The following PCDHGA8 variants were observed in gnomAD, a reference collection of about 807,000 sequenced individuals.
PCDHGA8 encodes the protein protocadherin gamma subfamily A, 8, also known as protocadherin gamma-A8.
PCDHGA8 carries 45 observed loss-of-function variants against 59.2 expected under a neutral mutation model. The observed-to-expected ratio is 0.76, with a 90% CI of 0.60 to 0.98. The LOEUF (loss-of-function observed/expected upper bound fraction) is 0.98, where lower values mean the gene tolerates loss of function less well. PCDHGA8 is among the 50% of genes least tolerant of loss of function. The pLI, the probability that PCDHGA8 is intolerant of heterozygous loss-of-function variation, is 0.00. For missense variants in PCDHGA8, 1,257 were observed against 1,196.2 expected (o/e 1.05, Z -0.75); for synonymous variants, 531 against 519.0 (o/e 1.02, Z -0.32).
Position 141,498,864 on chromosome 5 carries a change from C to T in PCDHGA8, c.2483+3999C>T, listed in dbSNP as rs1370263013. Among the ~76,000 whole-genome samples the T allele has an allele frequency of 2.7e-5, 4 of 149,532 alleles. No homozygotes were observed. The East Asian group carries it at 5.9e-4, about 22-fold the overall frequency. ...AGGGGAATCGCTTGAACCCAGGAGG[C>T]GGAGGTTGCAGTGAGCTGAGATCAC... On this transcript the variant is annotated intron_variant, in intron 2 of 3. Coordinates refer to ENST00000398604, the MANE Select transcript of PCDHGA8 (RefSeq NM_032088.2).
chr5:141,409,648 G>A, intron 1 of PCDHGA8: 2 of 1,613,692 alleles, frequency 1.2e-6, no homozygotes, highest in East Asian at 4.5e-5. Context: ...CGGATTTGGG[G>A]CTCAATGGCC....
intron 1 of PCDHGA8, chr5:141,419,629 G>T: frequency 6.2e-7 from 1 of 1,612,444 alleles, no homozygotes; most frequent in Non-Finnish European, 8.5e-7. Context: ...TGGTGACCAA[G>T]GTGGTGGCCG....
At chr5:141,478,665 A>G (rs749063178) in intron 1 of PCDHGA8, 88 of 1,551,690 alleles carry the variant, frequency 5.7e-5, no homozygotes, top group Non-Finnish European at 3.7e-5. Flanking sequence ...ATGCATTCAC[A>G]CTTTCAACTG....
At chr5:141,450,587 A>G (rs1396203849) in intron 1 of PCDHGA8, among the ~76,000 whole-genome samples, 1 of 151,720 alleles carries the variant, frequency 6.6e-6, no homozygotes, top group East Asian at 1.9e-4. Flanking sequence ...CCCAGGTTCA[A>G]GCAATTCTCC....
intron 1 of PCDHGA8, chr5:141,403,602 G>A (rs761454619): frequency 5.0e-6 from 8 of 1,613,800 alleles, no homozygotes; most frequent in Non-Finnish European, 5.9e-6. Context: ...GCCTCGGATG[G>A]CGGCGAGCCG....
In PCDHGA8 at chr5:141,392,678, G is replaced by A; in HGVS notation, c.-136G>A. On this transcript the variant is annotated 5_prime_UTR_variant, in exon 1 of 4. Coordinates refer to ENST00000398604, the MANE Select transcript of PCDHGA8 (RefSeq NM_032088.2). The stretch of plus-strand genomic sequence containing the variant: ...GATGCCACAAACTAACTGCTGGACT[G>A]CAGCGAAACCCGACCCCTGTTTGGA... 1 of 941,110 alleles carries A rather than the reference G, an allele frequency of 1.1e-6. No individual in the cohort carries two copies. The highest frequency in any genetic ancestry group is 1.5e-6 in the Non-Finnish European group (1 of 656,152). The allele number at this position is 941,110 out of a possible 1,614,324, so 58.3% of individuals were successfully genotyped here.
intron 1 of PCDHGA8, chr5:141,414,301 C>A (rs199806270): frequency 1.1e-5 from 18 of 1,613,280 alleles, no homozygotes; most frequent in Non-Finnish European, 1.7e-6. Flanking sequence ...TTTAAATGTG[C>A]ATGATTTAGA....
At chr5:141,403,873 A>G in intron 1 of PCDHGA8, 1 of 1,613,840 alleles carries the variant, frequency 6.2e-7, no homozygotes, top group Non-Finnish European at 8.5e-7. Flanking sequence ...CAAAAAGTCT[A>G]GATTATGAAG....
chr5:141,491,450 C>G lies in PCDHGA8; in HGVS notation c.2425-3357C>G. ...CAGTGCTGCAGGCGCCAGGACTCAC[C>G]CTCCCCGGACTTCTATAAGCAGTCC... On this transcript the variant is annotated intron_variant, in intron 1 of 3. Transcript: ENST00000398604. The surrounding 1 kb of genome is among the most constrained non-coding windows in gnomAD (Gnocchi z 6.9). The G allele has an allele frequency of 1.2e-6, 2 of 1,614,110 alleles. No homozygotes were observed. Among genetic ancestry groups the G allele is most frequent in the Non-Finnish European group, 1.7e-6 (2 of 1,180,044 alleles).
chr5:141,463,910 A>G (rs2099071862), intron 1 of PCDHGA8, among the ~76,000 whole-genome samples: 1 of 152,178 alleles, frequency 6.6e-6, no homozygotes, highest in Admixed American at 6.5e-5. Flanking sequence ...CTAATAATAT[A>G]TCCTGGAAAT....
intron 1 of PCDHGA8, chr5:141,403,572 C>T (rs749341214): frequency 1.9e-6 from 3 of 1,613,946 alleles, no homozygotes; most frequent in Non-Finnish European, 8.5e-7. Flanking sequence ...GAGGCAACTG[C>T]CCACCACCTG....
In PCDHGA8 at chr5:141,487,762, T is replaced by C; in HGVS notation, c.2425-7045T>C. 6.5e-7 allele frequency: 1 copy of C among 1,545,432 alleles called. No homozygotes were observed. The highest frequency in any genetic ancestry group is 8.8e-7 in the Non-Finnish European group (1 of 1,142,332). ...TAAGAGGTAACTATGTGGTAGACGC[T>C]GTGCTTTGTAACTGTTTCGTGAATT... On this transcript the variant is annotated intron_variant, in intron 1 of 3. Coordinates refer to ENST00000398604, the MANE Select transcript of PCDHGA8 (RefSeq NM_032088.2). The surrounding 1 kb of genome is among the most constrained non-coding windows in gnomAD (Gnocchi z 5.0).
At chr5:141,403,106 C>A (rs1311418325) in intron 1 of PCDHGA8, 1 of 1,614,066 alleles carries the variant, frequency 6.2e-7, no homozygotes. Context: ...CTCCAAGGAC[C>A]TGGCTCTGGA....
intron 1 of PCDHGA8, among the ~76,000 whole-genome samples, chr5:141,445,277 A>G (rs769047096): frequency 6.6e-6 from 1 of 152,256 alleles, no homozygotes; most frequent in African/African-American, 2.4e-5. Flanking sequence ...ACCACTCTGC[A>G]TAAGTTCAGG....
At chr5:141,403,003 C>T in intron 1 of PCDHGA8, 3 of 1,613,970 alleles carry the variant, frequency 1.9e-6, no homozygotes, top group South Asian at 1.1e-5. Flanking sequence ...TCCTGCTATG[C>T]TCGCTCCTGG....
Position 141,392,755 on chromosome 5 carries a change from T to C in PCDHGA8, c.-59T>C. The C allele has an allele frequency of 6.8e-7, 1 of 1,460,466 alleles. No homozygotes were observed. The highest frequency in any genetic ancestry group is 1.5e-5 in the South Asian group (1 of 68,652). The allele number at this position is 1,460,466 out of a possible 1,614,324, so 90.5% of individuals were successfully genotyped here. A position where few individuals can be genotyped will look rare whatever the true frequency, so the allele number is the denominator to read the frequency against. On this transcript the variant is annotated 5_prime_UTR_variant, in exon 1 of 4. Transcript: ENST00000398604. ...CATCTCCATAGCTGCGGCAAGAAAC[T>C]AAATAAGACCCATTTATGCACAGTG... is the stretch of plus-strand genomic sequence containing the variant.
At chr5:141,407,534 A>T (rs72790039) in intron 1 of PCDHGA8, among the ~76,000 whole-genome samples, 1 of 149,478 alleles carries the variant, frequency 6.7e-6, no homozygotes, top group Non-Finnish European at 1.5e-5. Flanking sequence ...CTTATTGTGC[A>T]TTGGTAACAG....
intron 1 of PCDHGA8, among the ~76,000 whole-genome samples, chr5:141,466,540 G>T (rs1302720337): frequency 6.6e-6 from 1 of 152,094 alleles, no homozygotes; most frequent in Non-Finnish European, 1.5e-5. Context: ...GATGTAGATG[G>T]TCTTTTGCTG....
Position 141,485,448 on chromosome 5 carries a change from G to A in PCDHGA8, c.2425-9359G>A. On this transcript the variant is annotated intron_variant, in intron 1 of 3. Coordinates refer to ENST00000398604, the MANE Select transcript of PCDHGA8 (RefSeq NM_032088.2). This position sits in a 1 kb window ranked among gnomAD's most constrained non-coding sequence, Gnocchi z 5.7. ...CTGCTCATCAAGAACCCAATCGACC[G>A]AGAGGCACTGTGTGGGCTCAGTGCC... is the stretch of plus-strand genomic sequence containing the variant. 1 of 1,614,154 alleles carries A rather than the reference G, an allele frequency of 6.2e-7. No homozygotes were observed.
Sources: allele counts gnomAD v4.1 joint callset (sites outside exome capture counted in the v4.1 genomes callset), GRCh38; gene constraint gnomAD v4.1.1; non-coding constraint Gnocchi (gnomAD v3.1); transcripts MANE v1.5; gene names NCBI Gene and HGNC (gene_info 2026-07-23, HGNC 2026-07-21).